RFC3: variants seen among roughly 807,000 people sequenced by gnomAD.
The protein encoded by RFC3 is A1 38 kDa subunit.
In RFC3, 41 loss-of-function variants were observed where a neutral mutation model predicts 45.1. The observed-to-expected ratio is 0.91, with a 90% confidence interval of 0.71 to 1.18. RFC3 has a LOEUF of 1.18. RFC3 is among the 50% of genes most tolerant of loss of function. The pLI, the probability that RFC3 is intolerant of heterozygous loss-of-function variation, is 0.00. For missense variants in RFC3, 423 were observed against 428.1 expected (o/e 0.99, Z 0.10); for synonymous variants, 149 against 144.0 (o/e 1.03, Z -0.25).
At chr13:33,938,169 GATAAAGTCCAACTGCAAAAAAAAAA>G (rs2082899438) in intron 8 of RFC3, among the ~76,000 whole-genome samples, 1 of 56,938 alleles carries the variant, frequency 1.8e-5, no homozygotes, top group South Asian at 7.1e-4. Context: ...CACAGCTCAA[GATAAAGTCCAACTGCAAAAAAAAAA>G]AAAAAAAAAA....
chr13:33,954,234 C>G (rs2083007398), intron 8 of RFC3, among the ~76,000 whole-genome samples: 1 of 152,106 alleles, frequency 6.6e-6, no homozygotes, highest in African/African-American at 2.4e-5. Context: ...AATGGAATAG[C>G]TACATTTACA....
intron 8 of RFC3, chr13:33,848,253 T>C (rs2082252472): frequency 1.3e-5 from 2 of 152,258 alleles, no homozygotes; most frequent in South Asian, 4.1e-4. Flanking sequence ...TCTGATTCTT[T>C]TCCATGTTCT....
chr13:33,834,294 G>A lies in RFC3; in HGVS notation c.810-854G>A, dbSNP rs924053424. Reference sequence around the variant, plus strand: ...ATCTGAAGTATGGAACATCTGTACTGTGTGTATATATATATATATATATAT... The same window carrying A: ...ATCTGAAGTATGGAACATCTGTACTATGTGTATATATATATATATATATAT... On this transcript the variant is annotated intron_variant, in intron 7 of 8. Coordinates refer to ENST00000380071, the MANE Select transcript of RFC3 (RefSeq NM_002915.4). Among the ~76,000 whole-genome samples, 8 of 46,098 alleles carry A rather than the reference G, an allele frequency of 1.7e-4. No homozygotes were observed. In the Admixed American group the frequency reaches 3.2e-3, roughly 19 times the overall value. 30.2% of individuals were successfully genotyped at this position (46,098 alleles called of 152,430 possible).
intron 8 of RFC3, among the ~76,000 whole-genome samples, chr13:33,893,743 T>A (rs1408967200): frequency 6.6e-6 from 1 of 151,496 alleles, no homozygotes; most frequent in Non-Finnish European, 1.5e-5. Context: ...AATTGAAAAA[T>A]TTATTAGAGG....
chr13:33,831,184 G>A (rs1174631776), intron 6 of RFC3, 72 bp from the exon 7 acceptor site: 4 of 933,588 alleles, frequency 4.3e-6, no homozygotes, highest in East Asian at 2.5e-5. Flanking sequence ...ACGGACCAGT[G>A]GTTGGGGACT....
chr13:33,954,945 T>C (rs948567124), intron 8 of RFC3, among the ~76,000 whole-genome samples: 1 of 152,142 alleles, frequency 6.6e-6, no homozygotes, highest in African/African-American at 2.4e-5. Context: ...GCACTAAGCT[T>C]AATATTGATG....
intron 7 of RFC3, among the ~76,000 whole-genome samples, chr13:33,834,526 C>T (rs948109524): frequency 5.9e-5 from 9 of 151,380 alleles, no homozygotes; most frequent in South Asian, 2.1e-4. Flanking sequence ...AGCCTGGTTG[C>T]GTGCTTACCT....
intron 8 of RFC3, among the ~76,000 whole-genome samples, chr13:33,916,172 G>C (rs1365819489): frequency 2.0e-5 from 3 of 152,184 alleles, no homozygotes; most frequent in Non-Finnish European, 4.4e-5. Flanking sequence ...TTGCTTGCTG[G>C]AGATGCTTGG....
rs1301591871 is a variant in RFC3 at position 33,866,284 on chromosome 13, TG to T, written c.879+31068del. ...AGGCAGAGATGCCAATGGGAAGTGCTGCAGGGGCAATGGTCTCATAAACTCA... is the reference window on the plus strand; with the variant it reads ...AGGCAGAGATGCCAATGGGAAGTGCTCAGGGGCAATGGTCTCATAAACTCA... On this transcript the variant is annotated intron_variant, in intron 8 of 8. Coordinates refer to the RFC3 transcript ENST00000434425. 7.9e-5 allele frequency among the ~76,000 whole-genome samples: 12 copies of T among 152,312 alleles called. No individual in the cohort carries two copies. In the Middle Eastern group the frequency reaches 0.014, roughly 173 times the overall value.
intron 8 of RFC3, among the ~76,000 whole-genome samples, chr13:33,927,627 G>A (rs112724036): frequency 0.032 from 4,873 of 152,214 alleles, 150 homozygotes; most frequent in African/African-American, 0.076. Context: ...AGCCCTGTGT[G>A]AGAGCCCTCC....
intron 8 of RFC3, among the ~76,000 whole-genome samples, chr13:33,915,792 A>T (rs910592303): frequency 7.0e-6 from 1 of 143,186 alleles, no homozygotes; most frequent in Non-Finnish European, 1.5e-5. Flanking sequence ...TTATATTTCT[A>T]TATTTCTATA....
At chr13:33,971,521 A>G (rs2083109279), downstream of RFC3, among the ~76,000 whole-genome samples, 1 of 152,278 alleles carries the variant, frequency 6.6e-6, no homozygotes, top group Admixed American at 6.5e-5. Context: ...TTTGTGAGCT[A>G]CATAGTCTCT....
chr13:33,885,392 A>C (rs1026737878), intron 8 of RFC3, among the ~76,000 whole-genome samples: 32 of 152,264 alleles, frequency 2.1e-4, no homozygotes, highest in African/African-American at 7.2e-4. Flanking sequence ...TTACATGCAT[A>C]TACTGCATAG....
chr13:33,833,915 G>A (rs2082125985), intron 7 of RFC3, among the ~76,000 whole-genome samples: 1 of 152,032 alleles, frequency 6.6e-6, no homozygotes, highest in South Asian at 2.1e-4. Context: ...GTGTATTGCA[G>A]CGAACCTAGT....
At chr13:33,966,193 A>G in exon 9 of RFC3, 1 of 1,219,834 alleles carries the variant, frequency 8.2e-7, no homozygotes, top group Non-Finnish European at 1.2e-6. Flanking sequence ...AGTTTTGCAA[A>G]TATAATCCAC....
chr13:33,886,317 TGGGAG>T lies in RFC3; in HGVS notation c.879+51102_879+51106del, dbSNP rs2082522662. Among the ~76,000 whole-genome samples the T allele has an allele frequency of 3.3e-5, 5 of 151,996 alleles. No individual in the cohort carries two copies. The South Asian group carries it at 1.0e-3, about 32-fold the overall frequency. ...ATCCCAGCACTTTGGGAGGCCGAGGTGGGAGGATCACAAGGTCAGGAGACTGAGAC... is the reference window on the plus strand; with the variant it reads ...ATCCCAGCACTTTGGGAGGCCGAGGTGATCACAAGGTCAGGAGACTGAGAC... On this transcript the variant is annotated intron_variant, in intron 8 of 8. Coordinates refer to the RFC3 transcript ENST00000434425.
the RFC3 span, among the ~76,000 whole-genome samples, chr13:33,973,641 C>T: frequency 2.7e-5 from 4 of 150,332 alleles, no homozygotes; most frequent in Admixed American, 2.0e-4. Context: ...CTCCCTCTCC[C>T]TCTTCTTCTT....
At chr13:33,927,307 AAAGGG>A in intron 8 of RFC3, among the ~76,000 whole-genome samples, 1 of 152,038 alleles carries the variant, frequency 6.6e-6, no homozygotes, top group African/African-American at 2.4e-5. Flanking sequence ...TCCTAAGACC[AAAGGG>A]AAAGTTAGGG....
At chr13:33,929,731 A>G (rs1002253057) in intron 8 of RFC3, among the ~76,000 whole-genome samples, 1 of 152,046 alleles carries the variant, frequency 6.6e-6, no homozygotes, top group Non-Finnish European at 1.5e-5. Context: ...TATATTTTCA[A>G]TTCAATATTC....
Sources: gnomAD v4.1 joint callset for allele counts (sites outside exome capture counted in the v4.1 genomes callset) on GRCh38, gnomAD v4.1.1 for gene constraint, MANE v1.5 for transcripts, NCBI Gene and HGNC (gene_info 2026-07-23, HGNC 2026-07-21) for gene names.